Variants in KCNN2 observed in about 807,000 individuals in gnomAD.
KCNN2 encodes small conductance calcium-activated potassium channel protein 2.
A neutral mutation model predicts 55.5 loss-of-function variants in KCNN2; 24 were observed. That is an observed-to-expected ratio of 0.43 (90% CI 0.31 to 0.61). The LOEUF is 0.61. Ranked by LOEUF, KCNN2 falls within the 20% of genes least tolerant of loss-of-function variation. The pLI, the probability that KCNN2 is intolerant of heterozygous loss-of-function variation, is 0.08. For missense variants in KCNN2, 754 were observed against 853.6 expected (o/e 0.88, Z 1.45); for synonymous variants, 431 against 336.1 (o/e 1.28, Z -3.09).
intron 2 of KCNN2, among the ~76,000 whole-genome samples, chr5:114,229,043 ATTAG>A (rs1391227689): frequency 9.9e-5 from 15 of 151,992 alleles, no homozygotes; most frequent in East Asian, 1.9e-4. Flanking sequence ...GTGTTGATTA[ATTAG>A]TTAGGTTAAA....
intron 1 of KCNN2, among the ~76,000 whole-genome samples, chr5:114,150,694 C>G (rs1333023483): frequency 6.6e-6 from 1 of 152,144 alleles, no homozygotes; most frequent in East Asian, 1.9e-4. Context: ...CTGTATCTTA[C>G]AGGACTCAGA....
At chr5:114,154,103 C>A (rs542483818) in intron 1 of KCNN2, among the ~76,000 whole-genome samples, 1 of 152,218 alleles carries the variant, frequency 6.6e-6, no homozygotes, top group East Asian at 1.9e-4. Context: ...TTATAATAAA[C>A]CCTTCATGTT....
chr5:114,467,694 C>A (rs1045566215), intron 4 of KCNN2, among the ~76,000 whole-genome samples: 1 of 151,910 alleles, frequency 6.6e-6, no homozygotes, highest in African/African-American at 2.4e-5. Flanking sequence ...ATAAGTGGAT[C>A]GCAAAAAAAT....
chr5:114,073,704 C>G (rs1177892584), intron 1 of KCNN2, among the ~76,000 whole-genome samples: 2 of 152,212 alleles, frequency 1.3e-5, no homozygotes, highest in African/African-American at 2.4e-5. Context: ...AGAGCTGGTC[C>G]TAAGCTCAGT....
At chr5:114,340,715 C>A (rs1465673322) in intron 2 of KCNN2, among the ~76,000 whole-genome samples, 2 of 151,930 alleles carry the variant, frequency 1.3e-5, no homozygotes, top group Admixed American at 6.6e-5. Flanking sequence ...AATATCTACT[C>A]TCTTAGCAAA....
At chr5:114,110,661 T>G (rs1439040874) in intron 1 of KCNN2, among the ~76,000 whole-genome samples, 4 of 152,072 alleles carry the variant, frequency 2.6e-5, no homozygotes, top group Admixed American at 2.0e-4. Context: ...CCAGGACATT[T>G]CTATTTTAAG....
At chr5:114,353,590 G>T (rs1561581878) in intron 2 of KCNN2, among the ~76,000 whole-genome samples, 1 of 151,564 alleles carries the variant, frequency 6.6e-6, no homozygotes, top group East Asian at 1.9e-4. Flanking sequence ...GATGTTATCT[G>T]CTTTCAGCCT....
rs6149185 is a variant in KCNN2 at position 114,323,649 on chromosome 5, A to ATTTT, written c.-184-37281_-184-37278dup. Among the ~76,000 whole-genome samples, 11 of 85,314 alleles carry ATTTT rather than the reference A, an allele frequency of 1.3e-4. 2 individuals are homozygous for ATTTT. Among genetic ancestry groups the ATTTT allele is most frequent in the Non-Finnish European group, 1.6e-4 (7 of 44,048 alleles). 56.0% of individuals were successfully genotyped at this position (85,314 alleles called of 152,430 possible). ...TAAGTATCATGATATAAACATATCA[A>ATTTT]TTTTTTTTTTTTTTTTTTGCTGGTC... On this transcript the variant is annotated intron_variant, in intron 2 of 10. Coordinates refer to the KCNN2 transcript ENST00000512097.
At chr5:114,406,264 T>C (rs757112862) in intron 3 of KCNN2, among the ~76,000 whole-genome samples, 24 of 152,040 alleles carry the variant, frequency 1.6e-4, no homozygotes, top group South Asian at 4.1e-4. Context: ...TACAATTGCT[T>C]ATGTTGCTGC....
chr5:114,426,716 G>A (rs2150084390), intron 3 of KCNN2, among the ~76,000 whole-genome samples: 1 of 152,246 alleles, frequency 6.6e-6, no homozygotes, highest in East Asian at 1.9e-4. Flanking sequence ...AGAGAATGAA[G>A]AATAACAGCC....
At position 114,259,450 on chromosome 5, in the gene KCNN2, G is replaced by A. The variant is rs545479548; in HGVS notation, c.-185+37885G>A. On this transcript the variant is annotated intron_variant, in intron 2 of 10. Transcript: ENST00000512097. ...GTAGGGTGCCCTGCCACTGCCACTC[G>A]GGTCCAGGGGTTGGTGAGTGATCTG... is the stretch of plus-strand genomic sequence containing the variant. Among the ~76,000 whole-genome samples the A allele has an allele frequency of 2.0e-5, 3 of 152,258 alleles. No individual in the cohort carries two copies. The East Asian group carries it at 5.8e-4, about 30-fold the overall frequency.
intron 1 of KCNN2, among the ~76,000 whole-genome samples, chr5:114,207,235 ATGT>A (rs949391440): frequency 2.6e-5 from 4 of 152,118 alleles, no homozygotes; most frequent in African/African-American, 9.7e-5. Flanking sequence ...AGAAAACTTC[ATGT>A]TGTTCATTTT....
chr5:114,205,253 G>C (rs986992485), intron 1 of KCNN2, among the ~76,000 whole-genome samples: 1 of 152,226 alleles, frequency 6.6e-6, no homozygotes, highest in Non-Finnish European at 1.5e-5. Context: ...AAACGCATTT[G>C]TGAATAGTCT....
intron 1 of KCNN2, among the ~76,000 whole-genome samples, chr5:114,216,598 A>G (rs1167644261): frequency 1.3e-5 from 2 of 152,150 alleles, no homozygotes; most frequent in Non-Finnish European, 1.5e-5. Flanking sequence ...TCCAATATAA[A>G]CACTCTCAGC....
At chr5:114,466,099 A>G (rs1010799075) in intron 4 of KCNN2, among the ~76,000 whole-genome samples, 1 of 152,224 alleles carries the variant, frequency 6.6e-6, no homozygotes. Context: ...AGAGACCAAG[A>G]TCTCTTATTA....
At chr5:114,223,390 G>A (rs1754182272) in intron 2 of KCNN2, among the ~76,000 whole-genome samples, 1 of 152,144 alleles carries the variant, frequency 6.6e-6, no homozygotes, top group African/African-American at 2.4e-5. Flanking sequence ...TTGAGATTAT[G>A]ACCAAGAAGG....
intron 2 of KCNN2, among the ~76,000 whole-genome samples, chr5:114,249,808 G>A (rs1754823347): frequency 6.6e-6 from 1 of 151,612 alleles, no homozygotes; most frequent in African/African-American, 2.4e-5. Flanking sequence ...GGTATGCAAG[G>A]CTGATTTCTT....
At chr5:114,181,698 T>C (rs1219836078) in intron 1 of KCNN2, among the ~76,000 whole-genome samples, 1 of 152,226 alleles carries the variant, frequency 6.6e-6, no homozygotes, top group African/African-American at 2.4e-5. Flanking sequence ...TTGGCTCTTA[T>C]GTTTAGATCT....
At chr5:114,150,875 G>A (rs141083986) in intron 1 of KCNN2, among the ~76,000 whole-genome samples, 4,696 of 152,160 alleles carry the variant, frequency 0.031, 254 homozygotes, top group African/African-American at 0.11. Context: ...TGCAAAATTA[G>A]CCATGCATGG....
Sources: gnomAD v4.1 joint callset for allele counts (sites outside exome capture counted in the v4.1 genomes callset) on GRCh38, gnomAD v4.1.1 for gene constraint, MANE v1.5 for transcripts, NCBI Gene and HGNC (gene_info 2026-07-23, HGNC 2026-07-21) for gene names.